Variants in CNBD1 observed in about 807,000 individuals in gnomAD.
CNBD1 encodes the protein cyclic nucleotide binding domain containing 1, also known as cyclic nucleotide-binding domain-containing protein 1.
Under a neutral mutation model 54.4 loss-of-function variants are expected in CNBD1, and 71 were observed. The observed-to-expected ratio is 1.30, with a 90% CI of 1.08 to 1.59. The LOEUF is 1.59. CNBD1 is among the 40% of genes most tolerant of loss of function. The probability of loss-of-function intolerance (pLI) is 0.00; values close to 1 mark genes in which losing one functional copy is unlikely to be tolerated. For missense variants in CNBD1, 659 were observed against 518.0 expected (o/e 1.27, Z -2.64); for synonymous variants, 182 against 170.7 (o/e 1.07, Z -0.51).
intron 4 of CNBD1, among the ~76,000 whole-genome samples, chr8:87,122,565 C>G (rs996650882): frequency 6.6e-6 from 1 of 151,774 alleles, no homozygotes; most frequent in Admixed American, 6.6e-5. Flanking sequence ...TCTATTTGTG[C>G]TTTCATTGCC....
intron 2 of CNBD1, among the ~76,000 whole-genome samples, chr8:87,392,757 T>A (rs947527651): frequency 1.3e-5 from 2 of 151,962 alleles, no homozygotes; most frequent in Non-Finnish European, 2.9e-5. Context: ...ACTCTGTGAA[T>A]ATAATGAAAA....
intron 8 of CNBD1, among the ~76,000 whole-genome samples, chr8:87,319,740 A>T (rs1000298506): frequency 2.0e-5 from 3 of 152,108 alleles, no homozygotes; most frequent in African/African-American, 7.2e-5. Flanking sequence ...ATAATGCTCT[A>T]TAAGAATAAA....
At chr8:87,258,387 G>A (rs1373747592) in intron 6 of CNBD1, among the ~76,000 whole-genome samples, 1 of 151,692 alleles carries the variant, frequency 6.6e-6, no homozygotes, top group South Asian at 2.1e-4. Context: ...TGTGTGTAGT[G>A]TATTTAAAAG....
At chr8:86,914,863 A>G (rs751936059) in intron 3 of CNBD1, among the ~76,000 whole-genome samples, 4 of 152,244 alleles carry the variant, frequency 2.6e-5, no homozygotes, top group Admixed American at 1.3e-4. Context: ...GGAATAGTAA[A>G]GAAGAAACAT....
chr8:87,129,089 A>G (rs1167043495), intron 4 of CNBD1, among the ~76,000 whole-genome samples: 1 of 146,204 alleles, frequency 6.8e-6, no homozygotes, highest in Non-Finnish European at 1.5e-5. Flanking sequence ...AAAAAAAAAA[A>G]AAGAATTTTG....
At chr8:87,402,646 T>C (rs1483871352) in intron 2 of CNBD1, among the ~76,000 whole-genome samples, 7 of 152,066 alleles carry the variant, frequency 4.6e-5, no homozygotes, top group Admixed American at 4.6e-4. Flanking sequence ...TCATGGTGCA[T>C]GAAACTGGAA....
At chr8:87,202,369 T>A (rs1170923259) in intron 4 of CNBD1, among the ~76,000 whole-genome samples, 1 of 152,168 alleles carries the variant, frequency 6.6e-6, no homozygotes, top group Admixed American at 6.5e-5. Flanking sequence ...TAAATTATAA[T>A]ATGGATCATG....
At chr8:87,233,062 T>A (rs1807479314) in intron 5 of CNBD1, among the ~76,000 whole-genome samples, 1 of 152,202 alleles carries the variant, frequency 6.6e-6, no homozygotes, top group African/African-American at 2.4e-5. Flanking sequence ...TATATTAGTT[T>A]TAAAATTCAT....
intron 10 of CNBD1, among the ~76,000 whole-genome samples, chr8:87,370,483 G>A (rs887035851): frequency 2.0e-5 from 3 of 152,046 alleles, no homozygotes; most frequent in African/African-American, 4.8e-5. Flanking sequence ...GCCAGTGATG[G>A]TGCGCATTTT....
intron 2 of CNBD1, among the ~76,000 whole-genome samples, chr8:87,423,000 A>G (rs1423183735): frequency 1.3e-5 from 2 of 151,716 alleles, no homozygotes; most frequent in Non-Finnish European, 2.9e-5. Flanking sequence ...ATCCCTTGTA[A>G]GTTGGATTCC....
chr8:87,274,934 T>C (rs1808443457), intron 6 of CNBD1, among the ~76,000 whole-genome samples: 1 of 134,330 alleles, frequency 7.4e-6, no homozygotes, highest in Non-Finnish European at 1.6e-5. Context: ...TTAATCCATC[T>C]TGAATTGATT....
At chr8:87,380,167 A>G (rs1006062029) in intron 10 of CNBD1, among the ~76,000 whole-genome samples, 3 of 152,010 alleles carry the variant, frequency 2.0e-5, no homozygotes, top group Admixed American at 6.6e-5. Context: ...ATATAATTTA[A>G]TAATTTGTGC....
intron 4 of CNBD1, among the ~76,000 whole-genome samples, chr8:87,142,334 C>T (rs1812387838): frequency 6.6e-6 from 1 of 152,188 alleles, no homozygotes; most frequent in East Asian, 1.9e-4. Flanking sequence ...TTTCCAAAAG[C>T]TTCAAGTAAG....
At chr8:87,254,592 G>A (rs2336991) in intron 6 of CNBD1, among the ~76,000 whole-genome samples, 43,437 of 151,998 alleles carry the variant, frequency 0.29, 6,704 homozygotes, top group African/African-American at 0.4. Context: ...TAGAGGGATG[G>A]TGCTAATGAC....
intron 6 of CNBD1, among the ~76,000 whole-genome samples, chr8:87,249,433 C>A (rs752942930): frequency 6.6e-6 from 1 of 152,016 alleles, no homozygotes; most frequent in Non-Finnish European, 1.5e-5. Context: ...GAGTCAGGGA[C>A]CCTTAGGGTA....
chr8:87,231,391 A>G (rs1036783960), intron 5 of CNBD1, among the ~76,000 whole-genome samples: 12 of 152,154 alleles, frequency 7.9e-5, no homozygotes, highest in African/African-American at 2.7e-4. Flanking sequence ...TACAAAGACT[A>G]GTATAGTCAT....
At chr8:87,394,637 T>A (rs943162409) in intron 2 of CNBD1, among the ~76,000 whole-genome samples, 4 of 151,958 alleles carry the variant, frequency 2.6e-5, no homozygotes, top group South Asian at 4.1e-4. Flanking sequence ...GCGTGTTTTG[T>A]TTTCAGAATA....
chr8:87,054,880 G>C (rs1012236432), intron 4 of CNBD1, among the ~76,000 whole-genome samples: 1 of 152,214 alleles, frequency 6.6e-6, no homozygotes, highest in Non-Finnish European at 1.5e-5. Context: ...GTCCTCTCAA[G>C]AAAGCCTGTC....
intron 4 of CNBD1, among the ~76,000 whole-genome samples, chr8:87,155,900 A>G (rs1418918176): frequency 6.6e-6 from 1 of 152,106 alleles, no homozygotes; most frequent in Non-Finnish European, 1.5e-5. Flanking sequence ...TACATTAAAC[A>G]CTTTACACAC....
Sources: allele counts gnomAD v4.1 joint callset (sites outside exome capture counted in the v4.1 genomes callset), GRCh38; gene constraint gnomAD v4.1.1; transcripts MANE v1.5; gene names NCBI Gene and HGNC (gene_info 2026-07-23, HGNC 2026-07-21).